CACNA2D3: variants seen among roughly 807,000 people sequenced by gnomAD.
CACNA2D3 encodes voltage-dependent calcium channel subunit alpha-2/delta-3.
CACNA2D3 carries 60 observed loss-of-function variants against 160.6 expected under a neutral mutation model. The observed-to-expected ratio is 0.37, with a 90% CI of 0.30 to 0.46. CACNA2D3 has a LOEUF of 0.46. Among genes scored for constraint, CACNA2D3 ranks in the 20% least tolerant of loss-of-function variants. The pLI, the probability that CACNA2D3 is intolerant of heterozygous loss-of-function variation, is 1.00. For missense variants in CACNA2D3, 1,205 were observed against 1,365.0 expected (o/e 0.88, Z 1.85); for synonymous variants, 558 against 492.9 (o/e 1.13, Z -1.75).
intron 3 of CACNA2D3, among the ~76,000 whole-genome samples, chr3:54,384,252 T>C (rs1193461034): frequency 1.3e-5 from 2 of 152,210 alleles, no homozygotes; most frequent in Admixed American, 1.3e-4. Context: ...CAAAAATCCA[T>C]TTTTTATGTG....
intron 3 of CACNA2D3, among the ~76,000 whole-genome samples, chr3:54,355,373 A>G (rs1013892447): frequency 4.6e-5 from 7 of 152,232 alleles, no homozygotes; most frequent in Non-Finnish European, 1.0e-4. Context: ...ACTAGTCTGC[A>G]GGAGCTAGAG....
intron 27 of CACNA2D3, among the ~76,000 whole-genome samples, chr3:54,954,788 G>C (rs769636089): frequency 9.2e-5 from 14 of 152,182 alleles, no homozygotes; most frequent in Admixed American, 2.6e-4. Flanking sequence ...CTTAAGCATG[G>C]AATGCTTTAG....
chr3:54,331,887 C>G (rs1371249193), intron 3 of CACNA2D3, among the ~76,000 whole-genome samples: 1 of 152,160 alleles, frequency 6.6e-6, no homozygotes, highest in African/African-American at 2.4e-5. Context: ...CCAGTCTGGT[C>G]CCATTCATAG....
At chr3:54,918,328 T>TTTTA (rs1700717103) in intron 27 of CACNA2D3, 1 of 352,432 alleles carries the variant, frequency 2.8e-6, no homozygotes, top group Non-Finnish European at 4.4e-6. Context: ...CATCTTTTTT[T>TTTTA]TTTCTTTTTT....
chr3:54,734,817 A>C (rs1201155308), intron 11 of CACNA2D3, among the ~76,000 whole-genome samples: 3 of 152,214 alleles, frequency 2.0e-5, no homozygotes, highest in Admixed American at 1.3e-4. Context: ...ATTACATAAC[A>C]AAAGAATGAA....
In CACNA2D3 at chr3:54,987,684, C is replaced by G; in HGVS notation, c.2621C>G (p.Thr874Ser). 1.9e-6 allele frequency: 3 copies of G among 1,602,200 alleles called. No homozygotes were observed. The highest frequency in any genetic ancestry group is 2.6e-6 in the Non-Finnish European group (3 of 1,175,184). Reference protein sequence around the residue: ...FILVSEDYTQTGDFFGEIEGA... With the variant: ...FILVSEDYTQSGDFFGEIEGA... ...CCTCATATGTCTTCTTCCCCATAGA[C>G]TGGAGACTTTTTTGGTGAGATCGAG... Residue 874 changes from threonine to serine, a missense_variant and splice_region_variant, in exon 31 of 38, where the codon ACT becomes AGT. Physicochemically the swap from Thr to Ser is moderately conservative, Grantham distance 58. Coordinates refer to ENST00000474759, the MANE Select transcript of CACNA2D3 (RefSeq NM_018398.3).
intron 35 of CACNA2D3, among the ~76,000 whole-genome samples, chr3:55,032,278 A>T (rs1286293019): frequency 6.6e-6 from 1 of 152,140 alleles, no homozygotes; most frequent in African/African-American, 2.4e-5. Context: ...CTCTGTCATG[A>T]TACTAGTCAT....
chr3:54,176,000 G>A (rs1180712424), intron 2 of CACNA2D3, among the ~76,000 whole-genome samples: 1 of 152,208 alleles, frequency 6.6e-6, no homozygotes, highest in Non-Finnish European at 1.5e-5. Flanking sequence ...AAAACTCAGG[G>A]AAGGGACTGG....
chr3:55,042,731 T>C (rs1290979258), intron 35 of CACNA2D3, among the ~76,000 whole-genome samples: 7 of 152,330 alleles, frequency 4.6e-5, no homozygotes, highest in South Asian at 2.1e-4. Flanking sequence ...AATCAAGATA[T>C]AGCAATTCTA....
intron 2 of CACNA2D3, among the ~76,000 whole-genome samples, chr3:54,182,906 A>G (rs1259325103): frequency 1.3e-5 from 2 of 152,236 alleles, no homozygotes; most frequent in African/African-American, 4.8e-5. Flanking sequence ...AGAGGAACTA[A>G]TCTATCAGAC....
intron 27 of CACNA2D3, among the ~76,000 whole-genome samples, chr3:54,915,600 G>A (rs1229044109): frequency 1.3e-5 from 2 of 152,040 alleles, no homozygotes; most frequent in African/African-American, 4.8e-5. Context: ...GATAATTTGT[G>A]GTTCTCACAG....
At chr3:54,646,185 T>TG (rs1699643429) in intron 11 of CACNA2D3, among the ~76,000 whole-genome samples, 2 of 6,414 alleles carry the variant, frequency 3.1e-4, no homozygotes, top group Admixed American at 2.3e-3. Context: ...CCTCCCTCCC[T>TG]CCTTCCTTGC....
chr3:54,386,414 C>A (rs1258216725), intron 3 of CACNA2D3, among the ~76,000 whole-genome samples: 1 of 152,204 alleles, frequency 6.6e-6, no homozygotes, highest in Non-Finnish European at 1.5e-5. Context: ...GGTTTTGGAT[C>A]TGCATTGGGC....
chr3:54,993,508 G>A (rs746638626), intron 31 of CACNA2D3, among the ~76,000 whole-genome samples: 7 of 152,216 alleles, frequency 4.6e-5, no homozygotes, highest in South Asian at 2.1e-4. Flanking sequence ...CAGGGAGACC[G>A]AAGGGAAAGT....
intron 4 of CACNA2D3, among the ~76,000 whole-genome samples, chr3:54,485,494 C>T (rs762930588): frequency 6.6e-6 from 1 of 151,962 alleles, no homozygotes; most frequent in Non-Finnish European, 1.5e-5. Context: ...GTCATTTACA[C>T]TGATGATTTT....
At chr3:54,423,486 A>G (rs1355923426) in intron 4 of CACNA2D3, among the ~76,000 whole-genome samples, 1 of 152,094 alleles carries the variant, frequency 6.6e-6, no homozygotes, top group Non-Finnish European at 1.5e-5. Context: ...CCTGGCACAG[A>G]GCTGGTACTG....
chr3:54,212,219 T>G (rs1261116027), intron 2 of CACNA2D3, among the ~76,000 whole-genome samples: 1 of 152,142 alleles, frequency 6.6e-6, no homozygotes, highest in Non-Finnish European at 1.5e-5. Context: ...CCCAAGGTGG[T>G]CGGGGTACAG....
At chr3:54,962,874 T>C (rs1319444152) in intron 27 of CACNA2D3, among the ~76,000 whole-genome samples, 1 of 152,202 alleles carries the variant, frequency 6.6e-6, no homozygotes, top group South Asian at 2.1e-4. Flanking sequence ...CCCTCTAGTA[T>C]GTTGCAAGTT....
chr3:54,888,767 A>G (rs569612123), intron 24 of CACNA2D3, among the ~76,000 whole-genome samples: 17 of 149,890 alleles, frequency 1.1e-4, no homozygotes, highest in African/African-American at 4.3e-4. Context: ...CCCTCATTGT[A>G]TCTTCCCTTC....
Sources: gnomAD v4.1 joint callset for allele counts (sites outside exome capture counted in the v4.1 genomes callset) on GRCh38, gnomAD v4.1.1 for gene constraint, MANE v1.5 for transcripts, NCBI Gene and HGNC (gene_info 2026-07-23, HGNC 2026-07-21) for gene names.